The following RAD51B variants were observed in gnomAD, a reference collection of about 807,000 sequenced individuals.
RAD51B encodes DNA repair protein RAD51 homolog 2.
In RAD51B, 38 loss-of-function variants were observed where a neutral mutation model predicts 42.2. The ratio of observed to expected loss-of-function variants is 0.90; its 90% CI spans 0.70 to 1.18. The LOEUF (loss-of-function observed/expected upper bound fraction) is 1.18. Ranked by LOEUF, RAD51B falls within the 50% of genes most tolerant of loss-of-function variation. The probability of loss-of-function intolerance (pLI) is 0.00; values close to 1 mark genes in which losing one functional copy is unlikely to be tolerated. For missense variants in RAD51B, 373 were observed against 400.7 expected, an observed-to-expected ratio of 0.93 and a Z score of 0.59; for synonymous variants, 154 against 145.2, an observed-to-expected ratio of 1.06 and a Z score of -0.43.
intron 8 of RAD51B, among the ~76,000 whole-genome samples, chr14:68,319,650 C>A (rs1193245538): frequency 1.3e-5 from 2 of 152,146 alleles, no homozygotes; most frequent in Non-Finnish European, 2.9e-5. Context: ...TGTAGATCAC[C>A]TGGATGCTTC....
chr14:68,143,275 G>T (rs1230168609), intron 7 of RAD51B, among the ~76,000 whole-genome samples: 1 of 152,190 alleles, frequency 6.6e-6, no homozygotes, highest in Non-Finnish European at 1.5e-5. Context: ...TAATTCTATA[G>T]CTTGTGTAGT....
chr14:67,851,450 G>C (rs763073816), intron 4 of RAD51B, among the ~76,000 whole-genome samples: 35 of 152,140 alleles, frequency 2.3e-4, no homozygotes, highest in Non-Finnish European at 4.4e-4. Context: ...TCATGTAGGG[G>C]TCGGCTATGT....
chr14:67,894,374 C>T (rs1423652073), intron 7 of RAD51B, among the ~76,000 whole-genome samples: 1 of 152,130 alleles, frequency 6.6e-6, no homozygotes, highest in African/African-American at 2.4e-5. Context: ...CTGCCTGAAC[C>T]CTCCTTTATC....
At chr14:68,093,654 C>T (rs1173564053) in intron 7 of RAD51B, among the ~76,000 whole-genome samples, 1 of 152,076 alleles carries the variant, frequency 6.6e-6, no homozygotes, top group African/African-American at 2.4e-5. Context: ...AAAACCAGCT[C>T]CTGGATTCAT....
chr14:67,995,322 G>C (rs1199770652), intron 7 of RAD51B, among the ~76,000 whole-genome samples: 1 of 151,968 alleles, frequency 6.6e-6, no homozygotes, highest in Non-Finnish European at 1.5e-5. Context: ...GGGAGGCAGA[G>C]GTTGCAGTGA....
chr14:68,182,177 A>C (rs772271962), intron 7 of RAD51B, among the ~76,000 whole-genome samples: 1 of 152,194 alleles, frequency 6.6e-6, no homozygotes, highest in Non-Finnish European at 1.5e-5. Flanking sequence ...CTTGTGCTTC[A>C]ATTTAGAAGT....
intron 7 of RAD51B, among the ~76,000 whole-genome samples, chr14:68,090,363 T>C (rs2077070165): frequency 6.6e-6 from 1 of 152,212 alleles, no homozygotes; most frequent in Non-Finnish European, 1.5e-5. Flanking sequence ...TTTTACATCA[T>C]AGTTACAGTA....
intron 7 of RAD51B, among the ~76,000 whole-genome samples, chr14:68,011,844 T>C (rs2075688889): frequency 6.6e-6 from 1 of 152,090 alleles, no homozygotes; most frequent in South Asian, 2.1e-4. Context: ...TTCACTTACA[T>C]ATGAAGTTAG....
chr14:68,439,364 G>C (rs1449365118), intron 9 of RAD51B, among the ~76,000 whole-genome samples: 1 of 152,128 alleles, frequency 6.6e-6, no homozygotes, highest in Non-Finnish European at 1.5e-5. Context: ...GTAGCTTCTT[G>C]TTGTTGCTAA....
At chr14:67,960,096 A>AG (rs35876165) in intron 7 of RAD51B, among the ~76,000 whole-genome samples, 2 of 151,810 alleles carry the variant, frequency 1.3e-5, no homozygotes. Flanking sequence ...AAAAAAAAAA[A>AG]GAAGTGTGTG....
At chr14:68,115,613 A>T (rs1266570171) in intron 7 of RAD51B, among the ~76,000 whole-genome samples, 2 of 151,824 alleles carry the variant, frequency 1.3e-5, no homozygotes, top group Admixed American at 6.6e-5. Flanking sequence ...GCTACTGAAA[A>T]GCATCAAGAC....
At chr14:68,324,318 G>GAATAGA (rs2082210219) in intron 8 of RAD51B, among the ~76,000 whole-genome samples, 3 of 152,160 alleles carry the variant, frequency 2.0e-5, no homozygotes, top group Non-Finnish European at 4.4e-5. Context: ...GAGCCATCCA[G>GAATAGA]GCCTCATCTC....
intron 3 of RAD51B, among the ~76,000 whole-genome samples, chr14:67,832,210 A>C (rs2041076559): frequency 1.3e-5 from 2 of 152,172 alleles, no homozygotes; most frequent in South Asian, 4.1e-4. Flanking sequence ...TCCTGGCTGC[A>C]AGTGATCCTC....
intron 7 of RAD51B, among the ~76,000 whole-genome samples, chr14:68,098,095 A>G (rs1164421166): frequency 1.3e-5 from 2 of 152,106 alleles, no homozygotes; most frequent in Admixed American, 1.3e-4. Flanking sequence ...TTCATATTAA[A>G]CTGTTATCAT....
At chr14:68,258,430 C>T (rs1469949856) in intron 7 of RAD51B, among the ~76,000 whole-genome samples, 2 of 148,942 alleles carry the variant, frequency 1.3e-5, no homozygotes, top group Admixed American at 6.7e-5. Flanking sequence ...CACACACACA[C>T]ACTCTCTCTC....
At chr14:67,913,618 A>G (rs2044057724) in intron 7 of RAD51B, among the ~76,000 whole-genome samples, 1 of 152,154 alleles carries the variant, frequency 6.6e-6, no homozygotes, top group Non-Finnish European at 1.5e-5. Context: ...AATGTCTTTA[A>G]TGAATCAGTT....
intron 7 of RAD51B, among the ~76,000 whole-genome samples, chr14:67,956,790 G>A (rs901436109): frequency 1.3e-5 from 2 of 152,174 alleles, no homozygotes; most frequent in Non-Finnish European, 2.9e-5. Flanking sequence ...AAATAAAATT[G>A]AAAATTTAGT....
At chr14:68,453,954 A>G (rs558106907) in intron 9 of RAD51B, among the ~76,000 whole-genome samples, 77 of 152,262 alleles carry the variant, frequency 5.1e-4, no homozygotes, top group Non-Finnish European at 7.9e-4. Context: ...AACTTAAAGT[A>G]TAATTAATTT....
At chr14:68,397,926 G>A (rs1368610198) in intron 8 of RAD51B, among the ~76,000 whole-genome samples, 1 of 152,190 alleles carries the variant, frequency 6.6e-6, no homozygotes, top group Non-Finnish European at 1.5e-5. Flanking sequence ...AGAGCCTCGA[G>A]GGCAGCAAAC....
Sources: gnomAD v4.1 joint callset for allele counts (sites outside exome capture counted in the v4.1 genomes callset) on GRCh38, gnomAD v4.1.1 for gene constraint, MANE v1.5 for transcripts, NCBI Gene and HGNC (gene_info 2026-07-23, HGNC 2026-07-21) for gene names.